Variants in ARHGEF38 observed in about 807,000 individuals in gnomAD.
ARHGEF38 encodes Rho guanine nucleotide exchange factor (GEF) 38.
ARHGEF38 carries 79 observed loss-of-function variants against 79.9 expected under a neutral mutation model. The ratio of observed to expected loss-of-function variants is 0.99; its 90% confidence interval spans 0.82 to 1.19. The LOEUF is 1.19. ARHGEF38 is among the 50% of genes most tolerant of loss of function. The pLI is 0.00. For synonymous variants in ARHGEF38, 366 were observed against 328.3 expected (o/e 1.11, Z -1.24); for missense variants, 962 against 907.2 (o/e 1.06, Z -0.78).
chr4:105,621,962 G>T (rs1250569347), intron 3 of ARHGEF38, among the ~76,000 whole-genome samples: 2 of 152,064 alleles, frequency 1.3e-5, no homozygotes, highest in African/African-American at 4.8e-5. Flanking sequence ...ATGGGGAAAT[G>T]GTATTTTCAG....
At chr4:105,641,725 A>T (rs1729625925) in intron 5 of ARHGEF38, among the ~76,000 whole-genome samples, 1 of 150,972 alleles carries the variant, frequency 6.6e-6, no homozygotes, top group African/African-American at 2.4e-5. Flanking sequence ...TGAATATCTA[A>T]TTTTTTTTTG....
chr4:105,649,576 C>T (rs1730013498), intron 7 of ARHGEF38, among the ~76,000 whole-genome samples: 1 of 152,152 alleles, frequency 6.6e-6, no homozygotes, highest in Admixed American at 6.5e-5. Context: ...AGTATACTAT[C>T]TAGTCCTTAT....
chr4:105,645,455 C>G, intron 6 of ARHGEF38, 68 bp downstream of exon 6: 1 of 1,321,500 alleles, frequency 7.6e-7, no homozygotes, highest in Non-Finnish European at 1.0e-6. Context: ...TTCTGAGAAT[C>G]AGAATGTTTA....
chr4:105,642,584 CCATT>C (rs1210212239), intron 5 of ARHGEF38, among the ~76,000 whole-genome samples: 1 of 151,924 alleles, frequency 6.6e-6, no homozygotes, highest in Non-Finnish European at 1.5e-5. Context: ...ATTTTACTTC[CCATT>C]CATTCTGTGA....
chr4:105,655,487 T>A (rs1237751827), intron 8 of ARHGEF38, 116 bp from the exon 9 acceptor site: 1 of 1,088,570 alleles, frequency 9.2e-7, no homozygotes, highest in Non-Finnish European at 1.3e-6. Context: ...TTGTTCCTTT[T>A]TAAATAACCT....
At chr4:105,675,749 GT>G (rs1731097406) in intron 13 of ARHGEF38, among the ~76,000 whole-genome samples, 1 of 152,204 alleles carries the variant, frequency 6.6e-6, no homozygotes, top group Non-Finnish European at 1.5e-5. Context: ...CAAGGCACCA[GT>G]TTATGTGGTG....
intron 1 of ARHGEF38, among the ~76,000 whole-genome samples, chr4:105,586,408 T>A (rs557614061): frequency 6.6e-6 from 1 of 152,224 alleles, no homozygotes; most frequent in South Asian, 2.1e-4. Flanking sequence ...GTATTTTCAC[T>A]GACACTTTAT....
At chr4:105,587,286 T>C (rs1727099257) in intron 1 of ARHGEF38, among the ~76,000 whole-genome samples, 2 of 152,270 alleles carry the variant, frequency 1.3e-5, no homozygotes, top group South Asian at 4.1e-4. Context: ...CCAGCCTGGT[T>C]GACAAAGTGA....
chr4:105,587,519 G>A (rs1049400644), intron 1 of ARHGEF38, among the ~76,000 whole-genome samples: 4 of 152,126 alleles, frequency 2.6e-5, no homozygotes, highest in Admixed American at 2.6e-4. Context: ...GGAGTGCAGT[G>A]GCACGATCTC....
intron 4 of ARHGEF38, among the ~76,000 whole-genome samples, chr4:105,633,638 A>G (rs932313587): frequency 7.2e-5 from 11 of 152,330 alleles, no homozygotes; most frequent in African/African-American, 2.6e-4. Context: ...TCAGAAGTTA[A>G]GGTGGATTTT....
intron 6 of ARHGEF38, among the ~76,000 whole-genome samples, chr4:105,645,756 C>A (rs1729813010): frequency 1.3e-5 from 2 of 152,258 alleles, no homozygotes; most frequent in South Asian, 2.1e-4. Context: ...GAAGCAAATG[C>A]AGAAAGCACC....
chr4:105,614,778 T>C lies in ARHGEF38; in HGVS notation c.508+1271T>C, dbSNP rs146720839. 4.9e-4 allele frequency among the ~76,000 whole-genome samples: 74 copies of C among 152,330 alleles called. 1 individual carries two copies. The highest frequency in any genetic ancestry group is 8.7e-4 in the Non-Finnish European group (59 of 68,020). ...ATTTATTAATTCAATCAATGAATAG[T>C]TATGAAGTAGCAGCATATTCACAAG... is the stretch of plus-strand genomic sequence containing the variant. On this transcript the variant is annotated intron_variant, in intron 3 of 13. Transcript: ENST00000420470.
intron 1 of ARHGEF38, among the ~76,000 whole-genome samples, chr4:105,561,228 GAAAACAAAAC>G (rs1006980126): frequency 2.6e-5 from 4 of 151,442 alleles, no homozygotes; most frequent in Non-Finnish European, 5.9e-5. Context: ...TCTCTACTAA[GAAAACAAAAC>G]AAAACAAAAC....
In ARHGEF38 at chr4:105,561,474, A is replaced by AATGGAATG. The variant is rs1725589170; in HGVS notation, c.196+8513_196+8514insATGGAATG. On this transcript the variant is annotated intron_variant, in intron 1 of 13. Transcript: ENST00000420470. ...GGAATAGAATAGAATAGAATAGAAT[A>AATGGAATG]GAATAGAATAGAATAGAATAGAATA... 1.9e-3 allele frequency: 98 copies of AATGGAATG among 50,804 alleles called. 8 individuals are homozygous for AATGGAATG. Among genetic ancestry groups the AATGGAATG allele is most frequent in the Non-Finnish European group, 2.8e-3 (69 of 24,386 alleles). 3.1% of individuals were successfully genotyped at this position (50,804 alleles called of 1,614,324 possible).
At chr4:105,580,841 GT>G (rs1726753234) in intron 1 of ARHGEF38, among the ~76,000 whole-genome samples, 1 of 151,792 alleles carries the variant, frequency 6.6e-6, no homozygotes, top group East Asian at 1.9e-4. Flanking sequence ...AGCCCGGCTA[GT>G]TTTTGTATTT....
rs149214312 is a variant in ARHGEF38 at position 105,583,700 on chromosome 4, A to G, written c.197-5548A>G. ...CTTCCCCAACTAGAAGTAAAGTTCC[A>G]TAAGGAAAGGAATTTTTTTTTTATT... is the stretch of plus-strand genomic sequence containing the variant. On this transcript the variant is annotated intron_variant, in intron 1 of 13. Coordinates refer to ENST00000420470, the MANE Select transcript of ARHGEF38 (RefSeq NM_001242729.2). 1.6e-3 allele frequency among the ~76,000 whole-genome samples: 241 copies of G among 152,314 alleles called. 2 individuals are homozygous for G. The highest frequency in any genetic ancestry group is 3.1e-3 in the South Asian group (15 of 4,828).
intron 1 of ARHGEF38, among the ~76,000 whole-genome samples, chr4:105,554,110 CT>C (rs199903093): frequency 1.2e-4 from 18 of 151,124 alleles, no homozygotes; most frequent in African/African-American, 2.9e-4. Flanking sequence ...TCCTCAAATA[CT>C]TTTTTTTTAA....
At chr4:105,633,470 A>G (rs1278584451) in intron 4 of ARHGEF38, among the ~76,000 whole-genome samples, 1 of 152,168 alleles carries the variant, frequency 6.6e-6, no homozygotes, top group African/African-American at 2.4e-5. Context: ...CAAAGCTATT[A>G]CTGTCACTCT....
At chr4:105,597,004 C>G (rs1032727047) in intron 2 of ARHGEF38, among the ~76,000 whole-genome samples, 2 of 152,192 alleles carry the variant, frequency 1.3e-5, no homozygotes, top group Non-Finnish European at 2.9e-5. Context: ...TCAGTTCTAT[C>G]TGAATACTCT....
Sources: allele counts gnomAD v4.1 joint callset (sites outside exome capture counted in the v4.1 genomes callset), GRCh38; gene constraint gnomAD v4.1.1; transcripts MANE v1.5; gene names NCBI Gene and HGNC (gene_info 2026-07-23, HGNC 2026-07-21).